Variants in OTOGL observed in about 807,000 individuals in gnomAD.
OTOGL encodes the protein otogelin-like protein.
OTOGL carries 285 observed loss-of-function variants against 318.5 expected under a neutral mutation model. The observed-to-expected ratio is 0.89, with a 90% CI of 0.81 to 0.99. The LOEUF (loss-of-function observed/expected upper bound fraction) is 0.99, where lower values mean the gene tolerates loss of function less well. OTOGL is among the 50% of genes least tolerant of loss of function. The probability of loss-of-function intolerance (pLI) is 0.00; values close to 1 mark genes in which losing one functional copy is unlikely to be tolerated. For synonymous variants in OTOGL, 987 were observed against 936.5 expected (o/e 1.05, Z -0.99); for missense variants, 2,899 against 2,845.6 (o/e 1.02, Z -0.43).
Position 80,327,194 on chromosome 12 carries a change from G to A in OTOGL, c.4200-1471G>A, listed in dbSNP as rs376276738. 7.9e-5 allele frequency among the ~76,000 whole-genome samples: 12 copies of A among 152,204 alleles called. No individual in the cohort carries two copies. In the South Asian group the frequency reaches 2.5e-3, roughly 32 times the overall value. On this transcript the variant is annotated intron_variant, in intron 35 of 58. Coordinates refer to ENST00000547103, the MANE Select transcript of OTOGL (RefSeq NM_001378609.3). Reference sequence around the variant, plus strand: ...GAGCCTTAAATGGACATAGAAAAATGTACTCTCAGTCATTATTTTGTCTCC... The same window carrying A: ...GAGCCTTAAATGGACATAGAAAAATATACTCTCAGTCATTATTTTGTCTCC...
At chr12:80,167,087 A>G (rs1171321882) in intron 1 of OTOGL, among the ~76,000 whole-genome samples, 1 of 152,026 alleles carries the variant, frequency 6.6e-6, no homozygotes, top group Non-Finnish European at 1.5e-5. Flanking sequence ...ATTTCCCTTG[A>G]TGACTGAGTT....
intron 1 of OTOGL, among the ~76,000 whole-genome samples, chr12:80,192,339 C>A (rs1381177139): frequency 1.3e-5 from 2 of 152,246 alleles, no homozygotes; most frequent in African/African-American, 4.8e-5. Context: ...GTCAACTACC[C>A]TGCCCTGACT....
In OTOGL at chr12:80,259,072, A is replaced by G. The variant is rs553211865; in HGVS notation, c.1889+1070A>G. ...ACATCATGTTGTACTCTGTAAATGTATATAATTTTTTTTAGCTATACCTTA... is the reference window on the plus strand; with the variant it reads ...ACATCATGTTGTACTCTGTAAATGTGTATAATTTTTTTTAGCTATACCTTA... On this transcript the variant is annotated intron_variant, in intron 18 of 58. Coordinates refer to ENST00000547103, the MANE Select transcript of OTOGL (RefSeq NM_001378609.3). Among the ~76,000 whole-genome samples the G allele has an allele frequency of 6.6e-5, 10 of 152,028 alleles. No individual in the cohort carries two copies. The South Asian group carries it at 2.1e-3, about 32-fold the overall frequency.
At chr12:80,133,674 G>A (rs561862642) in intron 1 of OTOGL, 2 of 152,276 alleles carry the variant, frequency 1.3e-5, no homozygotes, top group African/African-American at 4.8e-5. Flanking sequence ...AAAAAAAAAG[G>A]CTGGGTGTGG....
At chr12:80,202,332 G>A (rs1261343072) in intron 1 of OTOGL, among the ~76,000 whole-genome samples, 7 of 147,424 alleles carry the variant, frequency 4.7e-5, no homozygotes, top group African/African-American at 1.8e-4. Context: ...GTGCAATGGT[G>A]TGATCTCAGC....
chr12:80,319,880 G>A (rs904164158), intron 33 of OTOGL, among the ~76,000 whole-genome samples: 2 of 152,126 alleles, frequency 1.3e-5, no homozygotes, highest in African/African-American at 4.8e-5. Flanking sequence ...GGACAATAAT[G>A]TTGGATAAAT....
intron 1 of OTOGL, among the ~76,000 whole-genome samples, chr12:80,138,127 G>A (rs909677167): frequency 5.3e-5 from 8 of 152,066 alleles, no homozygotes; most frequent in Non-Finnish European, 1.2e-4. Flanking sequence ...ATACAGATGG[G>A]AAGTAGCTTT....
intron 25 of OTOGL, among the ~76,000 whole-genome samples, chr12:80,278,666 T>C (rs1281894609): frequency 2.6e-5 from 4 of 151,626 alleles, no homozygotes; most frequent in Non-Finnish European, 5.9e-5. Context: ...ACAAAGATTC[T>C]AAACTCATGA....
Position 80,271,816 on chromosome 12 carries a change from C to T in OTOGL, c.2681+6C>T. ...GGCTGTGTTTGTGCTCCAGGGTAAG[C>T]CTCTTCTTCATAATACAGAACATTC... On this transcript the variant is annotated splice_donor_region_variant and intron_variant, in intron 24 of 58. Coordinates refer to ENST00000547103, the MANE Select transcript of OTOGL (RefSeq NM_001378609.3). 2 of 1,609,548 alleles carry T rather than the reference C, an allele frequency of 1.2e-6. No homozygotes were observed. The highest frequency in any genetic ancestry group is 2.2e-5 in the South Asian group (2 of 90,650).
chr12:80,114,177 C>T (rs1407781703), intron 1 of OTOGL, among the ~76,000 whole-genome samples: 1 of 152,070 alleles, frequency 6.6e-6, no homozygotes, highest in Non-Finnish European at 1.5e-5. Context: ...GGTTATTGTG[C>T]CCGTTAGTTG....
At chr12:80,158,197 A>T (rs1031571606) in intron 1 of OTOGL, among the ~76,000 whole-genome samples, 3 of 152,130 alleles carry the variant, frequency 2.0e-5, no homozygotes, top group African/African-American at 7.2e-5. Context: ...AACTTGTTTG[A>T]TTGCAAATTC....
chr12:80,252,047 A>G, intron 12 of OTOGL, 29 bp from the exon 13 acceptor site: 2 of 1,485,892 alleles, frequency 1.3e-6, no homozygotes, highest in Non-Finnish European at 1.8e-6. Context: ...AATAAAATTG[A>G]CTTAAGCTCC....
chr12:80,236,728 C>G (rs1454297719), intron 9 of OTOGL, among the ~76,000 whole-genome samples: 2 of 151,976 alleles, frequency 1.3e-5, no homozygotes, highest in Non-Finnish European at 2.9e-5. Flanking sequence ...TCAGTGATAT[C>G]AGAGACAAAG....
intron 11 of OTOGL, among the ~76,000 whole-genome samples, chr12:80,242,647 A>ATAGGGTT (rs1341769439): frequency 1.3e-5 from 2 of 152,116 alleles, no homozygotes; most frequent in East Asian, 3.8e-4. Flanking sequence ...TAGTGTATTG[A>ATAGGGTT]ATTCAATTCA....
At chr12:80,288,288 C>A (rs1002585989) in intron 26 of OTOGL, among the ~76,000 whole-genome samples, 2 of 152,112 alleles carry the variant, frequency 1.3e-5, no homozygotes, top group Non-Finnish European at 2.9e-5. Context: ...GATGAGTTTC[C>A]GTTTGTAGGT....
rs996882150 is a variant in OTOGL at position 80,265,550 on chromosome 12, A to G, written c.2224+340A>G. On this transcript the variant is annotated intron_variant, in intron 20 of 58. Coordinates refer to ENST00000547103, the MANE Select transcript of OTOGL (RefSeq NM_001378609.3). ...AAGTATGGAACAGATTATGTAATAC[A>G]GTGACGCAGTTGATTTGTATTTAAA... The G allele has an allele frequency of 5.9e-5, 15 of 253,954 alleles. No individual in the cohort carries two copies. The East Asian group carries it at 1.2e-3, about 20-fold the overall frequency. The allele number at this position is 253,954 out of a possible 1,614,324, so 15.7% of individuals were successfully genotyped here. A position where few individuals can be genotyped will look rare whatever the true frequency, so the allele number is the denominator to read the frequency against.
At chr12:80,345,325 T>C (rs1889127192) in intron 44 of OTOGL, among the ~76,000 whole-genome samples, 1 of 148,712 alleles carries the variant, frequency 6.7e-6, no homozygotes, top group African/African-American at 2.5e-5. Flanking sequence ...AGCCTCCACC[T>C]CTCAGATTCA....
intron 4 of OTOGL, among the ~76,000 whole-genome samples, chr12:80,214,222 A>G (rs1230480074): frequency 6.6e-6 from 1 of 152,222 alleles, no homozygotes; most frequent in African/African-American, 2.4e-5. Flanking sequence ...GGTGCAGGTC[A>G]TTTATTTGGA....
At chr12:80,236,514 T>C (rs1382990989) in intron 9 of OTOGL, among the ~76,000 whole-genome samples, 4 of 152,174 alleles carry the variant, frequency 2.6e-5, no homozygotes, top group Admixed American at 6.5e-5. Context: ...CTCTAAGGGA[T>C]TGGCCAGGTT....
Sources: allele counts gnomAD v4.1 joint callset (sites outside exome capture counted in the v4.1 genomes callset), GRCh38; gene constraint gnomAD v4.1.1; transcripts MANE v1.5; gene names NCBI Gene and HGNC (gene_info 2026-07-23, HGNC 2026-07-21).